The following GDNF variants were observed in gnomAD, a reference collection of about 807,000 sequenced individuals.
GDNF encodes glial cell line-derived neurotrophic factor.
GDNF carries 5 observed loss-of-function variants against 13.7 expected under a neutral mutation model. The observed-to-expected ratio is 0.36, with a 90% CI of 0.19 to 0.77. The LOEUF is 0.77. Among genes scored for constraint, GDNF ranks in the 30% least tolerant of loss-of-function variants. GDNF has a pLI of 0.51. For missense variants in GDNF, 246 were observed against 274.3 expected (o/e 0.90, Z 0.73); for synonymous variants, 122 against 112.5 (o/e 1.08, Z -0.53).
At chr5:37,835,682 C>T (rs1301693308) in intron 1 of GDNF, 2 of 1,548,300 alleles carry the variant, frequency 1.3e-6, no homozygotes, top group African/African-American at 1.4e-5. Flanking sequence ...TTTAATCCTC[C>T]GTGGTATACC....
In GDNF at chr5:37,838,152, G is replaced by T. The variant is rs1399429424; in HGVS notation, c.-27+1355C>A. ...GGGCCCAAGATGAGGGAAGGAAAAA[G>T]AATTTGGGACACTTCTCGCAGGCAA... On this transcript the variant is annotated intron_variant, in intron 1 of 2. Transcript: ENST00000326524. This position sits in a 1 kb window ranked among gnomAD's most constrained non-coding sequence, Gnocchi z 4.1. Among the ~76,000 whole-genome samples the T allele has an allele frequency of 6.6e-6, 1 of 152,164 alleles. No individual in the cohort carries two copies. The highest frequency in any genetic ancestry group is 2.1e-4 in the South Asian group (1 of 4,824).
At chr5:37,835,677 T>C in intron 1 of GDNF, 1 of 1,549,526 alleles carries the variant, frequency 6.5e-7, no homozygotes. Context: ...AAAGTTTTAA[T>C]CCTCCGTGGT....
In GDNF at chr5:37,816,036, G is replaced by A. The variant is rs1463572975; in HGVS notation, c.251C>T (p.Ala84Val). 3.1e-6 allele frequency: 5 copies of A among 1,613,432 alleles called. No homozygotes were observed. Among genetic ancestry groups the A allele is most frequent in the Non-Finnish European group, 4.2e-6 (5 of 1,179,488 alleles). Reference protein sequence around the residue: ...RLKRSPDKQMAVLPRRERNRQ... With the variant: ...RLKRSPDKQMVVLPRRERNRQ... Reference sequence around the variant, plus strand: ...ATTCCGCTCTCTTCTAGGAAGCACTGCCATTTGTTTATCTGGTGACCTTTT... The same window carrying A: ...ATTCCGCTCTCTTCTAGGAAGCACTACCATTTGTTTATCTGGTGACCTTTT... The change falls in exon 3 of 3, where the codon GCA (alanine) becomes GTA (valine). Residue 84 changes from alanine to valine, a missense_variant. Transcript: ENST00000326524.
chr5:37,816,096 A>T lies in GDNF; in HGVS notation c.191T>A (p.Val64Asp). ...AATGGTGGCTTGAATAAAATCCATG[A>T]CATCATCGAACTGATCAGGATAATC... is the stretch of plus-strand genomic sequence containing the variant. ...PEDYPDQFDDVMDFIQATIKR... is the reference protein window; with the variant it reads ...PEDYPDQFDDDMDFIQATIKR... Residue 64 changes from valine to aspartate, a missense_variant, in exon 3 of 3, where the codon GTC becomes GAC. Physicochemically the swap from Val to Asp is radical, Grantham distance 152. Coordinates refer to ENST00000326524, the MANE Select transcript of GDNF (RefSeq NM_000514.4). 6.2e-7 allele frequency: 1 copy of T among 1,613,238 alleles called. No individual in the cohort carries two copies. The highest frequency in any genetic ancestry group is 1.1e-5 in the South Asian group (1 of 91,060).
At chr5:37,836,016 A>G (rs1441423321) in intron 1 of GDNF, among the ~76,000 whole-genome samples, 5 of 152,022 alleles carry the variant, frequency 3.3e-5, no homozygotes, top group African/African-American at 1.2e-4. Context: ...CAATGAGGAG[A>G]CGGGGAAGAA....
chr5:37,823,580 G>A (rs777009150), intron 2 of GDNF, among the ~76,000 whole-genome samples: 76 of 152,138 alleles, frequency 5.0e-4, no homozygotes, highest in Non-Finnish European at 9.8e-4. Context: ...AGTTAAAACC[G>A]GAAAAGCCGC....
At chr5:37,822,325 G>T (rs936507522) in intron 2 of GDNF, among the ~76,000 whole-genome samples, 1 of 152,178 alleles carries the variant, frequency 6.6e-6, no homozygotes, top group Non-Finnish European at 1.5e-5. Flanking sequence ...CTTGCTGTGG[G>T]GAGAACAGCC....
At chr5:37,822,552 C>G (rs1474652094) in intron 2 of GDNF, among the ~76,000 whole-genome samples, 2 of 152,166 alleles carry the variant, frequency 1.3e-5, no homozygotes, top group Non-Finnish European at 2.9e-5. Context: ...CGGTGCCATC[C>G]ATCCTGACAT....
chr5:37,826,687 C>T (rs1445103183), intron 2 of GDNF, among the ~76,000 whole-genome samples: 1 of 152,244 alleles, frequency 6.6e-6, no homozygotes, highest in East Asian at 1.9e-4. Context: ...AGACTTTCTG[C>T]AGTGCCTATG....
chr5:37,821,204 C>A (rs1421818252), intron 2 of GDNF, among the ~76,000 whole-genome samples: 1 of 152,174 alleles, frequency 6.6e-6, no homozygotes, highest in Non-Finnish European at 1.5e-5. Context: ...CCAGCCCAGA[C>A]AAGAAACTCC....
rs1229963405 is a variant in GDNF, at chr5:37,815,270, T to C, written c.*381A>G. On this transcript the variant is annotated 3_prime_UTR_variant, in exon 3 of 3. Coordinates refer to ENST00000326524, the MANE Select transcript of GDNF (RefSeq NM_000514.4). This position sits in a 1 kb window ranked among gnomAD's most constrained non-coding sequence, Gnocchi z 5.0. ...TGAAAACAAATCACAGGAGATACAC[T>C]GGTTTGGTTCAAGTGCATCCACCGC... 3 of 307,446 alleles carry C rather than the reference T, an allele frequency of 9.8e-6. No individual in the cohort carries two copies. The highest frequency in any genetic ancestry group is 6.5e-5 in the African/African-American group (3 of 46,396). 19.0% of individuals were successfully genotyped at this position (307,446 alleles called of 1,614,324 possible).
At chr5:37,819,835 AAAC>A (rs1028433711) in intron 2 of GDNF, among the ~76,000 whole-genome samples, 65 of 152,326 alleles carry the variant, frequency 4.3e-4, no homozygotes, top group African/African-American at 1.5e-3. Context: ...AAACAAAACA[AAAC>A]AACAACATTA....
intron 2 of GDNF, chr5:37,824,514 A>C (rs1005610366): frequency 6.6e-5 from 10 of 152,204 alleles, no homozygotes; most frequent in Non-Finnish European, 1.5e-4. Flanking sequence ...GTCCATGAGA[A>C]TGGACTCTAA....
rs1449169894 is a variant in GDNF at position 37,813,160 on chromosome 5, G to C, written c.*2491C>G. 6.6e-6 allele frequency: 1 copy of C among 152,262 alleles called. No individual in the cohort carries two copies. Among genetic ancestry groups the C allele is most frequent in the Non-Finnish European group, 1.5e-5 (1 of 68,098 alleles). The allele number at this position is 152,262 out of a possible 1,614,324, so 9.4% of individuals were successfully genotyped here. ...CTGTTTCGAGCAGTCTGAATTCTCAGCAAGATCCCAAGACAGTGTGAGAGG... is the reference window on the plus strand; with the variant it reads ...CTGTTTCGAGCAGTCTGAATTCTCACCAAGATCCCAAGACAGTGTGAGAGG... On this transcript the variant is annotated 3_prime_UTR_variant, in exon 3 of 3. Coordinates refer to ENST00000326524, the MANE Select transcript of GDNF (RefSeq NM_000514.4).
chr5:37,816,202 CAAAGTGCCCCCCT>C, intron 2 of GDNF, 67 bp from the exon 3 acceptor site: 1 of 1,554,106 alleles, frequency 6.4e-7, no homozygotes, highest in Non-Finnish European at 8.8e-7. Context: ...TCTTCAAGAT[CAAAGTGCCCCCCT>C]AAAGTCAGCA....
chr5:37,830,096 C>A (rs1750469410), intron 2 of GDNF, among the ~76,000 whole-genome samples: 1 of 152,168 alleles, frequency 6.6e-6, no homozygotes, highest in African/African-American at 2.4e-5. Context: ...TTAACATTTA[C>A]CCAGCTTGTT....
At chr5:37,826,331 C>A (rs561556616) in intron 2 of GDNF, among the ~76,000 whole-genome samples, 1 of 152,222 alleles carries the variant, frequency 6.6e-6, no homozygotes, top group Non-Finnish European at 1.5e-5. Context: ...CCTCCTTCAG[C>A]AATATTTGCA....
rs201306289 is a variant in GDNF, at chr5:37,815,822, C to T, written c.465G>A (p.Thr155=). 94 of 1,614,024 alleles carry T rather than the reference C, an allele frequency of 5.8e-5. No individual in the cohort carries two copies. The highest frequency in any genetic ancestry group is 2.3e-4 in the Admixed American group (14 of 60,008). The stretch of plus-strand genomic sequence containing the variant: ...ATAAGTTTTTCAATATTTTGTCGTA[C>T]GTTGTCTCAGCTGCATCGCAAGAGC... The part of the protein sequence containing the change: ...CSGSCDAAET[T]YDKILKNLSR... Residue 155 remains threonine, a synonymous_variant, in exon 3 of 3, where the codon ACG becomes ACA. Transcript: ENST00000326524. This position sits in a 1 kb window ranked among gnomAD's most constrained non-coding sequence, Gnocchi z 5.0.
intron 2 of GDNF, among the ~76,000 whole-genome samples, chr5:37,819,457 T>G (rs1156973338): frequency 6.7e-6 from 1 of 149,412 alleles, no homozygotes; most frequent in East Asian, 1.9e-4. Flanking sequence ...TTTTTTTTTT[T>G]TTTTTTGTTT....
Sources: allele counts gnomAD v4.1 joint callset (sites outside exome capture counted in the v4.1 genomes callset), GRCh38; gene constraint gnomAD v4.1.1; non-coding constraint Gnocchi (gnomAD v3.1); transcripts MANE v1.5; gene names NCBI Gene and HGNC (gene_info 2026-07-23, HGNC 2026-07-21).